The following AGPAT4 variants were observed in gnomAD, a reference collection of about 807,000 sequenced individuals.
AGPAT4 encodes 1-acyl-sn-glycerol-3-phosphate acyltransferase delta.
AGPAT4 carries 15 observed loss-of-function variants against 48.0 expected under a neutral mutation model. That is an observed-to-expected ratio of 0.31 (90% CI 0.21 to 0.48). AGPAT4 has a LOEUF of 0.48. Ranked by LOEUF, AGPAT4 falls within the 20% of genes least tolerant of loss-of-function variation. AGPAT4 has a pLI of 0.99. For synonymous variants in AGPAT4, 178 were observed against 198.7 expected (o/e 0.90, Z 0.88); for missense variants, 314 against 482.5 (o/e 0.65, Z 3.27).
rs1169921395 is a variant in AGPAT4 at position 161,204,966 on chromosome 6, C to T, written c.178+27070G>A. Among the ~76,000 whole-genome samples the T allele has an allele frequency of 1.3e-5, 2 of 152,126 alleles. No homozygotes were observed. The highest frequency in any genetic ancestry group is 2.4e-5 in the African/African-American group (1 of 41,414). Reference sequence around the variant, plus strand: ...ACCGGGTATGAACAACGACATGACGCTGTTGATGAAAAGACACTGGACAGA... The same window carrying T: ...ACCGGGTATGAACAACGACATGACGTTGTTGATGAAAAGACACTGGACAGA... On this transcript the variant is annotated intron_variant, in intron 2 of 8. Coordinates refer to ENST00000320285, the MANE Select transcript of AGPAT4 (RefSeq NM_020133.3). The surrounding 1 kb of genome is among the most constrained non-coding windows in gnomAD (Gnocchi z 4.4).
rs551010052 is a variant in AGPAT4, at chr6:161,202,586, A to G, written c.178+29450T>C. Reference sequence around the variant, plus strand: ...GTCAAAGACATATTTAAAAATTACCATCTATAACAGACTGTATTTTCCAAA... The same window carrying G: ...GTCAAAGACATATTTAAAAATTACCGTCTATAACAGACTGTATTTTCCAAA... On this transcript the variant is annotated intron_variant, in intron 2 of 8. Transcript: ENST00000320285. The surrounding 1 kb of genome is among the most constrained non-coding windows in gnomAD (Gnocchi z 5.4). Among the ~76,000 whole-genome samples, 32 of 152,288 alleles carry G rather than the reference A, an allele frequency of 2.1e-4. No homozygotes were observed. Among genetic ancestry groups the G allele is most frequent in the African/African-American group, 7.2e-4 (30 of 41,540 alleles).
rs1783206564 is a variant in AGPAT4 at position 161,264,884 on chromosome 6, G to A, written c.-90+9054C>T. ...CCCAGGACTAGTTATGGGACCCCTAGAGTCCCCCAGGGCTGGGGAGCTGAA... is the reference window on the plus strand; with the variant it reads ...CCCAGGACTAGTTATGGGACCCCTAAAGTCCCCCAGGGCTGGGGAGCTGAA... On this transcript the variant is annotated intron_variant, in intron 1 of 8. Transcript: ENST00000320285. The surrounding 1 kb of genome is among the most constrained non-coding windows in gnomAD (Gnocchi z 6.8). Among the ~76,000 whole-genome samples the A allele has an allele frequency of 6.6e-6, 1 of 152,084 alleles. No homozygotes were observed. The highest frequency in any genetic ancestry group is 2.4e-5 in the African/African-American group (1 of 41,418).
rs947745131 is a variant in AGPAT4, at chr6:161,220,959, A to T, written c.178+11077T>A. Among the ~76,000 whole-genome samples the T allele has an allele frequency of 6.6e-6, 1 of 151,502 alleles. No individual in the cohort carries two copies. The highest frequency in any genetic ancestry group is 2.4e-5 in the African/African-American group (1 of 41,166). On this transcript the variant is annotated intron_variant, in intron 2 of 8. Transcript: ENST00000320285. This position sits in a 1 kb window ranked among gnomAD's most constrained non-coding sequence, Gnocchi z 6.0. ...CCACCACACCTGGCTAATTTTTTTT[A>T]TTTTTAGTAGAGACGGGGTTTACCA...
chr6:161,153,897 G>A (rs1233055475), intron 4 of AGPAT4, among the ~76,000 whole-genome samples: 1 of 146,044 alleles, frequency 6.8e-6, no homozygotes, highest in Non-Finnish European at 1.5e-5. Context: ...ACAGCCCTGG[G>A]GTCACACACA....
intron 2 of AGPAT4, among the ~76,000 whole-genome samples, chr6:161,228,996 C>T (rs1412209577): frequency 6.6e-6 from 1 of 151,058 alleles, no homozygotes; most frequent in East Asian, 2.0e-4. Flanking sequence ...CTCGGTGTGT[C>T]CTGCTGTTAG....
chr6:161,154,383 G>A lies in AGPAT4; in HGVS notation c.349-73C>T, dbSNP rs1293871211. The A allele has an allele frequency of 2.5e-6, 4 of 1,574,890 alleles. No individual in the cohort carries two copies. Among genetic ancestry groups the A allele is most frequent in the Admixed American group, 1.8e-5 (1 of 56,206 alleles). ...CCACCTGCCGGGGCTGTTGGAGACT[G>A]AAGTAGAAAAAGAGGAGGGGACGTT... On this transcript the variant is annotated intron_variant, in intron 3 of 8. Transcript: ENST00000320285. This position sits in a 1 kb window ranked among gnomAD's most constrained non-coding sequence, Gnocchi z 7.8.
chr6:161,160,959 T>G (rs961264769), intron 3 of AGPAT4: 5 of 456,300 alleles, frequency 1.1e-5, no homozygotes, highest in African/African-American at 1.0e-4. Flanking sequence ...TAATAGGTGC[T>G]TGCTAAACAG....
chr6:161,165,663 A>G lies in AGPAT4; in HGVS notation c.348+585T>C, dbSNP rs1396511826. ...AGTGTGTTGAAGACGACAAAAGTCA[A>G]CTGAAGAGACCCAGTTCCAAAGGCA... is the stretch of plus-strand genomic sequence containing the variant. On this transcript the variant is annotated intron_variant, in intron 3 of 8. Transcript: ENST00000320285. This position sits in a 1 kb window ranked among gnomAD's most constrained non-coding sequence, Gnocchi z 5.5. 7.7e-7 allele frequency: 1 copy of G among 1,305,026 alleles called. No individual in the cohort carries two copies. Among genetic ancestry groups the G allele is most frequent in the Non-Finnish European group, 1.0e-6 (1 of 989,452 alleles). The allele number at this position is 1,305,026 out of a possible 1,614,324, so 80.8% of individuals were successfully genotyped here.
At chr6:161,271,599 A>G (rs190514896) in intron 1 of AGPAT4, among the ~76,000 whole-genome samples, 101 of 152,292 alleles carry the variant, frequency 6.6e-4, no homozygotes, top group Non-Finnish European at 4.1e-4. Context: ...TCACAGCTCC[A>G]CTTACCTTCC....
chr6:161,137,836 CTG>C lies in AGPAT4; in HGVS notation c.1043-1204_1043-1203del, dbSNP rs1779121092. Among the ~76,000 whole-genome samples, 1 of 151,936 alleles carries C rather than the reference CTG, an allele frequency of 6.6e-6. No homozygotes were observed. Among genetic ancestry groups the C allele is most frequent in the African/African-American group, 2.4e-5 (1 of 41,338 alleles). On this transcript the variant is annotated intron_variant, in intron 8 of 8. Coordinates refer to ENST00000320285, the MANE Select transcript of AGPAT4 (RefSeq NM_020133.3). The surrounding 1 kb of genome is among the most constrained non-coding windows in gnomAD (Gnocchi z 6.1). ...CTCCTGAAGACTCCCTGTGTCCACACTGCACCCCTCAGATGCTCCTGAAGACT... is the reference window on the plus strand; with the variant it reads ...CTCCTGAAGACTCCCTGTGTCCACACCACCCCTCAGATGCTCCTGAAGACT...
chr6:161,263,018 A>G (rs1053682615), intron 1 of AGPAT4, among the ~76,000 whole-genome samples: 3 of 152,160 alleles, frequency 2.0e-5, no homozygotes, highest in Admixed American at 6.5e-5. Flanking sequence ...CAGAAGAGAC[A>G]GACCCAAGCC....
rs1039014820 is a variant in AGPAT4, at chr6:161,254,780, A to G, written c.-90+19158T>C. The stretch of plus-strand genomic sequence containing the variant: ...ATTTAATTCTCAAAGATCTGTAAAT[A>G]CCGACTCAATTTAGAGAACAAACAT... On this transcript the variant is annotated intron_variant, in intron 1 of 8. Transcript: ENST00000320285. This position sits in a 1 kb window ranked among gnomAD's most constrained non-coding sequence, Gnocchi z 5.9. Among the ~76,000 whole-genome samples, 3 of 152,244 alleles carry G rather than the reference A, an allele frequency of 2.0e-5. No individual in the cohort carries two copies. The highest frequency in any genetic ancestry group is 6.5e-5 in the Admixed American group (1 of 15,288).
Position 161,217,012 on chromosome 6 carries a change from G to C in AGPAT4, c.178+15024C>G, listed in dbSNP as rs897450523. On this transcript the variant is annotated intron_variant, in intron 2 of 8. Transcript: ENST00000320285. The surrounding 1 kb of genome is among the most constrained non-coding windows in gnomAD (Gnocchi z 4.9). ...TTCACCTTTGCTCACCTGCTGATGC[G>C]GTTCTCATGTTACACGTGTTCTTCA... Among the ~76,000 whole-genome samples the C allele has an allele frequency of 6.6e-6, 1 of 152,132 alleles. No individual in the cohort carries two copies. The highest frequency in any genetic ancestry group is 1.9e-4 in the East Asian group (1 of 5,192).
Position 161,159,606 on chromosome 6 carries a change from C to T in AGPAT4, c.349-5296G>A, listed in dbSNP as rs909781894. ...AATAATGAATCAGTTTGTGTGCACGCGTGCGTGTGTGTGTGTGTTCATCAA... is the reference window on the plus strand; with the variant it reads ...AATAATGAATCAGTTTGTGTGCACGTGTGCGTGTGTGTGTGTGTTCATCAA... On this transcript the variant is annotated intron_variant, in intron 3 of 8. Transcript: ENST00000320285. The surrounding 1 kb of genome is among the most constrained non-coding windows in gnomAD (Gnocchi z 4.1). Among the ~76,000 whole-genome samples the T allele has an allele frequency of 2.0e-5, 3 of 152,082 alleles. No homozygotes were observed. The highest frequency in any genetic ancestry group is 1.3e-4 in the Admixed American group (2 of 15,270).
Position 161,261,537 on chromosome 6 carries a change from T to C in AGPAT4, c.-90+12401A>G, listed in dbSNP as rs17628203. Among the ~76,000 whole-genome samples the C allele has an allele frequency of 0.02, 3,022 of 152,300 alleles. 40 individuals carry two copies. Among genetic ancestry groups the C allele is most frequent in the Non-Finnish European group, 0.032 (2,145 of 68,014 alleles). ...AAACGCCCGGCTCACGGCTGACTCA[T>C]GATGGGACCTGTCAGAGGGACGTAG... is the stretch of plus-strand genomic sequence containing the variant. On this transcript the variant is annotated intron_variant, in intron 1 of 8. Transcript: ENST00000320285. The surrounding 1 kb of genome is among the most constrained non-coding windows in gnomAD (Gnocchi z 5.3).
At position 161,254,445 on chromosome 6, in the gene AGPAT4, T is replaced by C. The variant is rs1310237507; in HGVS notation, c.-90+19493A>G. Among the ~76,000 whole-genome samples the C allele has an allele frequency of 6.6e-6, 1 of 152,186 alleles. No homozygotes were observed. Among genetic ancestry groups the C allele is most frequent in the Non-Finnish European group, 1.5e-5 (1 of 68,030 alleles). On this transcript the variant is annotated intron_variant, in intron 1 of 8. Transcript: ENST00000320285. This position sits in a 1 kb window ranked among gnomAD's most constrained non-coding sequence, Gnocchi z 5.9. Reference sequence around the variant, plus strand: ...ATGAACAATTAGAAATACTAAAACATATTAAGTGATTCATATACATATATA... The same window carrying C: ...ATGAACAATTAGAAATACTAAAACACATTAAGTGATTCATATACATATATA...
chr6:161,192,474 T>A (rs1450225217), intron 2 of AGPAT4, among the ~76,000 whole-genome samples: 2 of 152,302 alleles, frequency 1.3e-5, no homozygotes, highest in East Asian at 3.9e-4. Context: ...TTTTTAAATA[T>A]CTCAATTTAT....
In AGPAT4 at chr6:161,222,409, G is replaced by A. The variant is rs754778554; in HGVS notation, c.178+9627C>T. Reference sequence around the variant, plus strand: ...AAATCATCTCTAATTCCTAAAAATAGCACTTTGACAACTTTACTTCCAGTC... The same window carrying A: ...AAATCATCTCTAATTCCTAAAAATAACACTTTGACAACTTTACTTCCAGTC... On this transcript the variant is annotated intron_variant, in intron 2 of 8. Coordinates refer to ENST00000320285, the MANE Select transcript of AGPAT4 (RefSeq NM_020133.3). The surrounding 1 kb of genome is among the most constrained non-coding windows in gnomAD (Gnocchi z 5.9). Among the ~76,000 whole-genome samples the A allele has an allele frequency of 1.9e-3, 285 of 152,166 alleles. 1 individual carries two copies. The highest frequency in any genetic ancestry group is 2.5e-3 in the Non-Finnish European group (171 of 68,004).
intron 1 of AGPAT4, among the ~76,000 whole-genome samples, chr6:161,248,500 G>A (rs1782723924): frequency 6.6e-6 from 1 of 150,954 alleles, no homozygotes; most frequent in African/African-American, 2.4e-5. Context: ...AGTGAACCTG[G>A]GAGGTGGAGC....
Sources: gnomAD v4.1 joint callset for allele counts (sites outside exome capture counted in the v4.1 genomes callset) on GRCh38, gnomAD v4.1.1 for gene constraint, Gnocchi (gnomAD v3.1) non-coding constraint, MANE v1.5 for transcripts, NCBI Gene and HGNC (gene_info 2026-07-23, HGNC 2026-07-21) for gene names.